Variants in SLC27A6 observed in about 807,000 individuals in gnomAD.
SLC27A6 encodes long-chain fatty acid transport protein 6.
Under a neutral mutation model 63.9 loss-of-function variants are expected in SLC27A6, and 74 were observed. That is an observed-to-expected ratio of 1.16 (90% confidence interval 0.96 to 1.40). The LOEUF (loss-of-function observed/expected upper bound fraction) is 1.40. Among genes scored for constraint, SLC27A6 ranks in the 40% most tolerant of loss-of-function variants. The pLI, the probability that SLC27A6 is intolerant of heterozygous loss-of-function variation, is 0.00. For missense variants in SLC27A6, 794 were observed against 732.9 expected, an observed-to-expected ratio of 1.08 and a Z score of -0.96; for synonymous variants, 287 against 260.8, an observed-to-expected ratio of 1.10 and a Z score of -0.97.
chr5:128,997,011 A>G (rs1751183630), intron 4 of SLC27A6, among the ~76,000 whole-genome samples: 1 of 152,056 alleles, frequency 6.6e-6, no homozygotes, highest in Non-Finnish European at 1.5e-5. Flanking sequence ...ATATTCTCTC[A>G]TCACATTTTC....
Position 129,015,988 on chromosome 5 carries a change from G to A in SLC27A6, c.1073G>A (p.Cys358Tyr). ...GACAGATTTGGAAATATAAAGGTGT[G>A]TGAACTTTATGCAGCTACCGAATCA... ...FLDRFGNIKV[C>Y]ELYAATESSI... The change falls in exon 5 of 10, where the codon TGT becomes TAT. Residue 358 changes from cysteine to tyrosine, a missense_variant. By Grantham distance (194) the Cys-to-Tyr change is radical. Transcript: ENST00000262462. The A allele has an allele frequency of 1.2e-6, 2 of 1,610,342 alleles. No homozygotes were observed. Among genetic ancestry groups the A allele is most frequent in the Non-Finnish European group, 1.7e-6 (2 of 1,178,324 alleles).
At chr5:129,031,429 G>A (rs1396489806) in intron 9 of SLC27A6, among the ~76,000 whole-genome samples, 1 of 151,904 alleles carries the variant, frequency 6.6e-6, no homozygotes, top group African/African-American at 2.4e-5. Context: ...ATTCAGTGTG[G>A]CTGGGATAAA....
chr5:128,997,491 T>G (rs1372397278), intron 4 of SLC27A6, among the ~76,000 whole-genome samples: 1 of 152,222 alleles, frequency 6.6e-6, no homozygotes, highest in East Asian at 1.9e-4. Flanking sequence ...GGGGCTAACA[T>G]AAATAGCTGT....
intron 1 of SLC27A6, among the ~76,000 whole-genome samples, chr5:128,969,974 G>A (rs926158980): frequency 2.6e-5 from 4 of 152,126 alleles, no homozygotes; most frequent in African/African-American, 9.7e-5. Context: ...TTAGCATGAA[G>A]GGCTGTTGAA....
At chr5:129,006,576 C>A (rs1751548062) in intron 4 of SLC27A6, among the ~76,000 whole-genome samples, 1 of 151,472 alleles carries the variant, frequency 6.6e-6, no homozygotes, top group African/African-American at 2.4e-5. Context: ...ATAAAGGAAT[C>A]ATATTATTTT....
chr5:129,007,757 C>T (rs1399573747), intron 4 of SLC27A6, among the ~76,000 whole-genome samples: 2 of 152,006 alleles, frequency 1.3e-5, no homozygotes, highest in Admixed American at 6.6e-5. Flanking sequence ...CAACTATTGG[C>T]TTCTTCCAGG....
intron 5 of SLC27A6, among the ~76,000 whole-genome samples, chr5:129,020,487 TG>T (rs1193600943): frequency 2.0e-5 from 3 of 148,636 alleles, no homozygotes; most frequent in African/African-American, 7.3e-5. Flanking sequence ...CTAACAAAAA[TG>T]GGAGTGGGGG....
intron 7 of SLC27A6, 29 bp from the exon 8 acceptor site, chr5:129,028,316 C>T: frequency 6.8e-7 from 1 of 1,476,262 alleles, no homozygotes; most frequent in Middle Eastern, 1.7e-4. Flanking sequence ...TACAGGTGCA[C>T]TAACTGGAAT....
chr5:129,027,447 C>A, intron 7 of SLC27A6, 116 bp downstream of exon 7: 1 of 712,606 alleles, frequency 1.4e-6, no homozygotes, highest in Non-Finnish European at 2.4e-6. Context: ...CTTTTATCTC[C>A]ATGTCTCCTC....
intron 6 of SLC27A6, among the ~76,000 whole-genome samples, chr5:129,024,193 C>T (rs1031135867): frequency 3.9e-5 from 6 of 152,060 alleles, no homozygotes; most frequent in Non-Finnish European, 8.8e-5. Context: ...CTAGAGGGAT[C>T]ACTCAGATGG....
intron 9 of SLC27A6, among the ~76,000 whole-genome samples, chr5:129,032,398 G>C (rs926668322): frequency 1.3e-5 from 2 of 152,062 alleles, no homozygotes; most frequent in African/African-American, 4.8e-5. Context: ...CTGATTTCAT[G>C]TTCCATGATG....
At chr5:128,990,611 C>CCATCTAGGTAGCA in intron 4 of SLC27A6, 147 bp downstream of exon 4, 2 of 839,308 alleles carry the variant, frequency 2.4e-6, no homozygotes, top group Non-Finnish European at 3.6e-6. Flanking sequence ...GCAGGTGCTA[C>CCATCTAGGTAGCA]CTAGATGGTG....
chr5:129,006,298 G>A (rs947236705), intron 4 of SLC27A6, among the ~76,000 whole-genome samples: 1 of 151,586 alleles, frequency 6.6e-6, no homozygotes. Context: ...CACCGTGTTA[G>A]CCAGGATGGT....
At position 129,033,127 on chromosome 5, in the gene SLC27A6, A is replaced by G. The variant is rs762242061; in HGVS notation, c.1705A>G (p.Thr569Ala). The change falls in exon 10 of 10, where the codon ACA becomes GCA. Residue 569 changes from threonine to alanine, a missense_variant. Coordinates refer to ENST00000262462, the MANE Select transcript of SLC27A6 (RefSeq NM_001017372.3). ...RIQEKMEATG[T>A]FKLLKHQLVE... The stretch of plus-strand genomic sequence containing the variant: ...ACAGGAAAAAATGGAAGCAACAGGA[A>G]CATTCAAACTATTGAAGCATCAGTT... The G allele has an allele frequency of 1.7e-5, 28 of 1,607,316 alleles. No individual in the cohort carries two copies. Among genetic ancestry groups the G allele is most frequent in the Non-Finnish European group, 2.3e-5 (27 of 1,176,622 alleles).
intron 4 of SLC27A6, among the ~76,000 whole-genome samples, chr5:128,993,832 G>C (rs1751058434): frequency 6.6e-6 from 1 of 150,506 alleles, no homozygotes; most frequent in Middle Eastern, 3.4e-3. Flanking sequence ...TTAGGGGTGG[G>C]CATGGTGGTT....
chr5:128,969,896 G>A (rs1358136977), intron 1 of SLC27A6, among the ~76,000 whole-genome samples: 1 of 152,116 alleles, frequency 6.6e-6, no homozygotes, highest in African/African-American at 2.4e-5. Context: ...TATTGGCTAT[G>A]GATTTGTCAT....
Position 128,966,373 on chromosome 5 carries a change from T to C in SLC27A6, c.236T>C (p.Ile79Thr), listed in dbSNP as rs1275031011. The change falls in exon 1 of 10, where the codon ATC (isoleucine) becomes ACC (threonine). Residue 79 changes from isoleucine to threonine, a missense_variant. Ile to Thr is a moderately conservative substitution (Grantham distance 89). Coordinates refer to ENST00000262462, the MANE Select transcript of SLC27A6 (RefSeq NM_001017372.3). ...RKPFIIYEGD[I>T]YTYQDVDKRS... Reference sequence around the variant, plus strand: ...CCTTTCATCATCTATGAGGGAGACATCTACACCTATCAGGATGTAGACAAA... The same window carrying C: ...CCTTTCATCATCTATGAGGGAGACACCTACACCTATCAGGATGTAGACAAA... 1.2e-6 allele frequency: 2 copies of C among 1,613,828 alleles called. No individual in the cohort carries two copies. The highest frequency in any genetic ancestry group is 1.7e-6 in the Non-Finnish European group (2 of 1,179,948).
At position 128,971,287 on chromosome 5, in the gene SLC27A6, AG is replaced by A. The variant is rs555903675; in HGVS notation, c.481+4670del. Among the ~76,000 whole-genome samples the A allele has an allele frequency of 1.1e-4, 16 of 152,198 alleles. No homozygotes were observed. In the East Asian group the frequency reaches 3.1e-3, roughly 29 times the overall value. ...TGTCTGTTAGGTCTGCTTGGTGCAG[AG>A]CTGAGTTCAATTCCTTTATATCCTT... On this transcript the variant is annotated intron_variant, in intron 1 of 9. Transcript: ENST00000262462.
intron 1 of SLC27A6, among the ~76,000 whole-genome samples, chr5:128,972,444 C>T (rs1056178786): frequency 1.1e-4 from 17 of 152,128 alleles, no homozygotes; most frequent in African/African-American, 3.6e-4. Flanking sequence ...CATATTTCTT[C>T]GAGGCTTTGT....
Sources: allele counts gnomAD v4.1 joint callset (sites outside exome capture counted in the v4.1 genomes callset), GRCh38; gene constraint gnomAD v4.1.1; transcripts MANE v1.5; gene names NCBI Gene and HGNC (gene_info 2026-07-23, HGNC 2026-07-21).